MALT1: variants seen among roughly 807,000 people sequenced by gnomAD.
MALT1 encodes mucosa-associated lymphoid tissue lymphoma translocation protein 1.
A neutral mutation model predicts 85.5 loss-of-function variants in MALT1; 36 were observed. The ratio of observed to expected loss-of-function variants is 0.42; its 90% CI spans 0.32 to 0.56. The LOEUF (loss-of-function observed/expected upper bound fraction) is 0.56. MALT1 is among the 20% of genes least tolerant of loss of function. The pLI is 0.10. For missense variants in MALT1, 716 were observed against 981.6 expected (o/e 0.73, Z 3.62); for synonymous variants, 359 against 361.3 (o/e 0.99, Z 0.07).
intron 2 of MALT1, among the ~76,000 whole-genome samples, chr18:58,692,407 C>CCTCTCTCTCTCTCTCTCT (rs35054606): frequency 1.5e-5 from 2 of 130,360 alleles, no homozygotes; most frequent in Non-Finnish European, 3.2e-5. Context: ...ACTGGCCATT[C>CCTCTCTCTCTCTCTCTCT]CTCTCTCTCT....
At chr18:58,733,049 T>G (rs1329833192) in intron 10 of MALT1, among the ~76,000 whole-genome samples, 2 of 152,076 alleles carry the variant, frequency 1.3e-5, no homozygotes, top group Non-Finnish European at 2.9e-5. Flanking sequence ...TAGCTGGGAT[T>G]ACAGGTGCCC....
Position 58,711,791 on chromosome 18 carries a change from A to G in MALT1, c.958+838A>G, listed in dbSNP as rs192353275. Among the ~76,000 whole-genome samples, 26 of 152,278 alleles carry G rather than the reference A, an allele frequency of 1.7e-4. No individual in the cohort carries two copies. The East Asian group carries it at 4.8e-3, about 28-fold the overall frequency. The stretch of plus-strand genomic sequence containing the variant: ...TGATTTTCCTGTCCTTCATGTCTCT[A>G]TAGTATCACTCTGAAATACTATAAT... On this transcript the variant is annotated intron_variant, in intron 7 of 16. Transcript: ENST00000649217.
chr18:58,677,999 C>A (rs543965744), intron 1 of MALT1, among the ~76,000 whole-genome samples: 3 of 152,230 alleles, frequency 2.0e-5, no homozygotes, highest in African/African-American at 4.8e-5. Flanking sequence ...CTTTTAATAT[C>A]CCCATATTCT....
chr18:58,676,306 G>C (rs1308573281), intron 1 of MALT1, among the ~76,000 whole-genome samples: 1 of 152,092 alleles, frequency 6.6e-6, no homozygotes, highest in Non-Finnish European at 1.5e-5. Context: ...CAGGGTGGGA[G>C]GATTACTTAT....
Position 58,715,953 on chromosome 18 carries a change from C to T in MALT1, c.1004C>T (p.Thr335Ile). 1.9e-6 allele frequency: 3 copies of T among 1,604,750 alleles called. No homozygotes were observed. The highest frequency in any genetic ancestry group is 2.6e-6 in the Non-Finnish European group (3 of 1,175,358). ...TGTATAGATAATAAAGAGCAAACAA[C>T]TGACCAGCCTTTGGGTGAGTAGAAC... ...LGHPDNKEQT[T>I]DQPLAKDKVA... Residue 335 changes from threonine to isoleucine, a missense_variant, in exon 9 of 17, where the codon ACT becomes ATT. By Grantham distance (89) the Thr-to-Ile change is moderately conservative. This residue lies in a region of MALT1 where 290 missense variants were observed against 380.5 expected (regional missense o/e 0.76). Coordinates refer to ENST00000649217, the MANE Select transcript of MALT1 (RefSeq NM_006785.4).
chr18:58,676,160 A>T (rs1417247413), intron 1 of MALT1, among the ~76,000 whole-genome samples: 1 of 152,104 alleles, frequency 6.6e-6, no homozygotes, highest in Non-Finnish European at 1.5e-5. Flanking sequence ...CTCCCACCCC[A>T]GTCTGTTACC....
intron 1 of MALT1, chr18:58,672,140 G>A (rs1294107123): frequency 3.4e-6 from 1 of 293,304 alleles, no homozygotes; most frequent in Non-Finnish European, 6.3e-6. Context: ...GAGAAGTCGA[G>A]GTTGACCCCG....
intron 15 of MALT1, among the ~76,000 whole-genome samples, chr18:58,744,844 G>C (rs2055346059): frequency 6.6e-6 from 1 of 152,112 alleles, no homozygotes; most frequent in African/African-American, 2.4e-5. Flanking sequence ...TTTAAGTCTT[G>C]TTAAGGTATG....
chr18:58,751,310 A>T lies in MALT1; in HGVS notation c.*3468A>T, dbSNP rs927770163. ...AAAAATACAAAAAAATTAGCTGGGC[A>T]TGGTGGCACACACCTGTAATCCCAG... On this transcript the variant is annotated 3_prime_UTR_variant, in exon 17 of 17. Transcript: ENST00000649217. 1 of 152,376 alleles carries T rather than the reference A, an allele frequency of 6.6e-6. No individual in the cohort carries two copies. Among genetic ancestry groups the T allele is most frequent in the Non-Finnish European group, 1.5e-5 (1 of 68,114 alleles). The allele number at this position is 152,376 out of a possible 1,614,324, so 9.4% of individuals were successfully genotyped here. A position where few individuals can be genotyped will look rare whatever the true frequency, so the allele number is the denominator to read the frequency against.
In MALT1 at chr18:58,723,153, A is replaced by G; in HGVS notation, c.1124A>G (p.Gln375Arg). The G allele has an allele frequency of 1.2e-6, 2 of 1,614,120 alleles. No individual in the cohort carries two copies. ...TACGAATTGACTAACTTACTGAGAC[A>G]GCTGGACTTCAAAGTGGTTTCACTG... The part of the protein sequence containing the change: ...DVYELTNLLR[Q>R]LDFKVVSLLD... Residue 375 changes from glutamine to arginine, a missense_variant, in exon 10 of 17, where the codon CAG becomes CGG. This residue lies in a region of MALT1 where 86 missense variants were observed against 212.3 expected (regional missense o/e 0.41). Coordinates refer to ENST00000649217, the MANE Select transcript of MALT1 (RefSeq NM_006785.4).
At chr18:58,673,553 C>A (rs562652286) in intron 1 of MALT1, among the ~76,000 whole-genome samples, 32 of 152,084 alleles carry the variant, frequency 2.1e-4, no homozygotes, top group African/African-American at 7.0e-4. Context: ...CTCCCAGGTT[C>A]AAGCAATTCT....
intron 2 of MALT1, among the ~76,000 whole-genome samples, chr18:58,688,053 C>A (rs1413298083): frequency 1.3e-5 from 2 of 152,184 alleles, no homozygotes; most frequent in Non-Finnish European, 2.9e-5. Flanking sequence ...GCCTACGTAG[C>A]ACTATACCAT....
chr18:58,731,790 A>G (rs1602332583), intron 10 of MALT1, among the ~76,000 whole-genome samples: 1 of 152,044 alleles, frequency 6.6e-6, no homozygotes, highest in African/African-American at 2.4e-5. Flanking sequence ...GTGTGAATTC[A>G]TGTATGGAGA....
chr18:58,671,772 G>T lies in MALT1; in HGVS notation c.129G>T (p.Glu43Asp). Reference sequence around the variant, plus strand: ...AGCCGCTGCTGCGGAGGCTCAGCGAGCTCCTGGATCAGGCGCCCGAGGGCC... The same window carrying T: ...AGCCGCTGCTGCGGAGGCTCAGCGATCTCCTGGATCAGGCGCCCGAGGGCC... ...LREPLLRRLS[E>D]LLDQAPEGRG... Residue 43 changes from glutamate (E) to aspartate (D), a missense_variant, in exon 1 of 17, where the codon GAG (glutamate) becomes GAT (aspartate). Coordinates refer to ENST00000649217, the MANE Select transcript of MALT1 (RefSeq NM_006785.4). 7.9e-7 allele frequency: 1 copy of T among 1,258,932 alleles called. No homozygotes were observed. Among genetic ancestry groups the T allele is most frequent in the Non-Finnish European group, 1.0e-6 (1 of 1,003,140 alleles). 78.0% of individuals were successfully genotyped at this position (1,258,932 alleles called of 1,614,324 possible).
At chr18:58,741,551 G>A (rs2144484095) in intron 13 of MALT1, 1 of 170,626 alleles carries the variant, frequency 5.9e-6, no homozygotes, top group Non-Finnish European at 1.2e-5. Flanking sequence ...AAATTGATGT[G>A]TATCCATATA....
At chr18:58,700,275 T>C (rs2054652838) in intron 3 of MALT1, among the ~76,000 whole-genome samples, 166 bp from the exon 4 acceptor site, 1 of 152,242 alleles carries the variant, frequency 6.6e-6, no homozygotes, top group Admixed American at 6.5e-5. Context: ...ACTTCAGTCC[T>C]AAATAACTCA....
At chr18:58,684,863 G>A (rs977556892) in intron 2 of MALT1, among the ~76,000 whole-genome samples, 1 of 152,150 alleles carries the variant, frequency 6.6e-6, no homozygotes, top group Non-Finnish European at 1.5e-5. Context: ...AAGAAGATAA[G>A]CTCTGATAGA....
At chr18:58,691,442 C>T (rs890089688) in intron 2 of MALT1, 10 of 340,010 alleles carry the variant, frequency 2.9e-5, no homozygotes, top group East Asian at 8.2e-5. Context: ...CATGCACAGA[C>T]GGACGTGCAT....
intron 9 of MALT1, among the ~76,000 whole-genome samples, chr18:58,716,563 A>C (rs1049129483): frequency 2.6e-5 from 4 of 152,226 alleles, no homozygotes; most frequent in African/African-American, 9.6e-5. Context: ...TGAAGATGTG[A>C]TTGGTGGCTT....
Sources: allele counts gnomAD v4.1 joint callset (sites outside exome capture counted in the v4.1 genomes callset), GRCh38; gene constraint gnomAD v4.1.1; regional missense constraint gnomAD v4.1.1; transcripts MANE v1.5; gene names NCBI Gene and HGNC (gene_info 2026-07-23, HGNC 2026-07-21).